NRXN3: variants seen among roughly 807,000 people sequenced by gnomAD.
NRXN3 encodes the protein neurexin 3, also known as neurexin III.
NRXN3 carries 32 observed loss-of-function variants against 137.6 expected under a neutral mutation model. The observed-to-expected ratio is 0.23, with a 90% CI of 0.18 to 0.31. NRXN3 has a LOEUF of 0.31. Ranked by LOEUF, NRXN3 falls within the 10% of genes least tolerant of loss-of-function variation. The probability of loss-of-function intolerance (pLI) is 1.00; values close to 1 mark genes in which losing one functional copy is unlikely to be tolerated. For missense variants in NRXN3, 1,574 were observed against 2,062.5 expected, an observed-to-expected ratio of 0.76 and a Z score of 4.59; for synonymous variants, 798 against 784.5, an observed-to-expected ratio of 1.02 and a Z score of -0.29.
At chr14:79,364,948 T>C (rs1476364542) in intron 15 of NRXN3, among the ~76,000 whole-genome samples, 1 of 152,178 alleles carries the variant, frequency 6.6e-6, no homozygotes, top group Non-Finnish European at 1.5e-5. Context: ...ATATTGGTGC[T>C]TGGAAGAGAT....
chr14:79,038,957 G>A (rs539557663), intron 15 of NRXN3, among the ~76,000 whole-genome samples: 1 of 152,230 alleles, frequency 6.6e-6, no homozygotes, highest in East Asian at 1.9e-4. Context: ...ATGAGTGTAG[G>A]GAGGATGGTA....
intron 15 of NRXN3, among the ~76,000 whole-genome samples, chr14:79,362,553 T>A (rs2093723137): frequency 1.3e-5 from 2 of 152,194 alleles, no homozygotes; most frequent in Admixed American, 6.5e-5. Context: ...AATATCAACA[T>A]GGGTTTGTTA....
intron 4 of NRXN3, among the ~76,000 whole-genome samples, chr14:78,308,023 AGCTTTCCAGTCAGTT>A (rs2077546321): frequency 6.6e-6 from 1 of 152,106 alleles, no homozygotes; most frequent in Non-Finnish European, 1.5e-5. Context: ...GCAGGTTGGA[AGCTTTCCAGTCAGTT>A]GTAACAACGA....
intron 4 of NRXN3, among the ~76,000 whole-genome samples, chr14:78,490,838 T>G (rs2095652696): frequency 6.6e-6 from 1 of 152,212 alleles, no homozygotes; most frequent in Non-Finnish European, 1.5e-5. Context: ...AGTAGGTAAC[T>G]TGTCCTAGGT....
chr14:79,510,917 C>T (rs1247039780), intron 16 of NRXN3, among the ~76,000 whole-genome samples: 1 of 152,136 alleles, frequency 6.6e-6, no homozygotes, highest in Non-Finnish European at 1.5e-5. Flanking sequence ...TCTGTATTCC[C>T]ATCACAGGCT....
intron 16 of NRXN3, among the ~76,000 whole-genome samples, chr14:79,577,507 C>T (rs1166787016): frequency 6.6e-6 from 1 of 152,132 alleles, no homozygotes; most frequent in Non-Finnish European, 1.5e-5. Flanking sequence ...AAAACCAGAT[C>T]AAACACTCTT....
At chr14:79,490,394 C>G (rs2096705230) in intron 16 of NRXN3, among the ~76,000 whole-genome samples, 1 of 152,030 alleles carries the variant, frequency 6.6e-6, no homozygotes, top group South Asian at 2.1e-4. Flanking sequence ...TTCACAATAG[C>G]TAATGAATGG....
chr14:79,253,659 A>G (rs2076219493), intron 15 of NRXN3, among the ~76,000 whole-genome samples: 1 of 152,214 alleles, frequency 6.6e-6, no homozygotes, highest in South Asian at 2.1e-4. Flanking sequence ...GGTGAAGGAG[A>G]AGCAAGCACA....
intron 16 of NRXN3, among the ~76,000 whole-genome samples, chr14:79,541,517 A>T (rs1399864306): frequency 6.6e-6 from 1 of 152,138 alleles, no homozygotes; most frequent in Non-Finnish European, 1.5e-5. Context: ...TCAAATAATG[A>T]CACATTCATA....
At chr14:79,332,660 C>G (rs1037971360) in intron 15 of NRXN3, among the ~76,000 whole-genome samples, 1 of 152,202 alleles carries the variant, frequency 6.6e-6, no homozygotes, top group African/African-American at 2.4e-5. Context: ...TTTCCCAGCG[C>G]TGGATACTCT....
In NRXN3 at chr14:79,496,370, T is replaced by A. The variant is rs2096767938; in HGVS notation, c.3444+28968T>A. On this transcript the variant is annotated intron_variant, in intron 16 of 20. Coordinates refer to ENST00000335750, the MANE Select transcript of NRXN3 (RefSeq NM_001330195.2). ...TCAAAGAGTGTCATGCTCCAAAAAA[T>A]CTGATCTGTGGTGAAAATAGATTCC... 2.0e-5 allele frequency among the ~76,000 whole-genome samples: 3 copies of A among 152,090 alleles called. No individual in the cohort carries two copies. The South Asian group carries it at 6.2e-4, about 32-fold the overall frequency.
intron 11 of NRXN3, among the ~76,000 whole-genome samples, chr14:78,961,066 C>T (rs918782636): frequency 6.8e-6 from 1 of 146,308 alleles, no homozygotes; most frequent in African/African-American, 2.5e-5. Context: ...GTATTTTATA[C>T]CACATACTTA....
At chr14:78,751,463 CCCT>C (rs1262653219) in intron 8 of NRXN3, among the ~76,000 whole-genome samples, 1 of 152,068 alleles carries the variant, frequency 6.6e-6, no homozygotes, top group Non-Finnish European at 1.5e-5. Flanking sequence ...CCTTGTGCTC[CCCT>C]CCTCCTTGCT....
At chr14:78,919,239 A>T (rs754331367) in intron 10 of NRXN3, among the ~76,000 whole-genome samples, 1 of 152,224 alleles carries the variant, frequency 6.6e-6, no homozygotes, top group Non-Finnish European at 1.5e-5. Context: ...TGTATTACAG[A>T]TAATTGGCTA....
intron 15 of NRXN3, among the ~76,000 whole-genome samples, chr14:79,305,632 T>A (rs779078481): frequency 5.9e-5 from 9 of 152,104 alleles, no homozygotes; most frequent in Non-Finnish European, 1.2e-4. Context: ...TTAGTTTTTT[T>A]CCTCTGGCCT....
At position 79,328,904 on chromosome 14, in the gene NRXN3, T is replaced by C. The variant is rs143025671; in HGVS notation, c.3263-138317T>C. 4.6e-5 allele frequency among the ~76,000 whole-genome samples: 7 copies of C among 152,308 alleles called. No individual in the cohort carries two copies. In the East Asian group the frequency reaches 1.2e-3, roughly 25 times the overall value. Reference sequence around the variant, plus strand: ...TCTCTTCCTTTGGCTTCCTAATGAGTAAGAAAAGACTGAAAAGAAAAGAAA... The same window carrying C: ...TCTCTTCCTTTGGCTTCCTAATGAGCAAGAAAAGACTGAAAAGAAAAGAAA... On this transcript the variant is annotated intron_variant, in intron 15 of 20. Coordinates refer to ENST00000335750, the MANE Select transcript of NRXN3 (RefSeq NM_001330195.2).
chr14:78,819,253 G>A (rs2098943638), intron 10 of NRXN3, among the ~76,000 whole-genome samples: 1 of 152,046 alleles, frequency 6.6e-6, no homozygotes, highest in South Asian at 2.1e-4. Flanking sequence ...AGATATACAA[G>A]GTGACAAATT....
intron 15 of NRXN3, among the ~76,000 whole-genome samples, chr14:79,283,784 C>T (rs1816659923): frequency 6.6e-6 from 1 of 152,016 alleles, no homozygotes; most frequent in Non-Finnish European, 1.5e-5. Context: ...TCTTTGAGCA[C>T]ATACTCTGTG....
chr14:78,900,853 C>T (rs908582725), intron 10 of NRXN3, among the ~76,000 whole-genome samples: 1 of 151,894 alleles, frequency 6.6e-6, no homozygotes, highest in Non-Finnish European at 1.5e-5. Flanking sequence ...ACTAGGGTCT[C>T]TTCATAAATC....
Sources: gnomAD v4.1 joint callset for allele counts (sites outside exome capture counted in the v4.1 genomes callset) on GRCh38, gnomAD v4.1.1 for gene constraint, MANE v1.5 for transcripts, NCBI Gene and HGNC (gene_info 2026-07-23, HGNC 2026-07-21) for gene names.